FAM163A: variants seen among roughly 807,000 people sequenced by gnomAD.
FAM163A encodes protein FAM163A.
Under a neutral mutation model 12.0 loss-of-function variants are expected in FAM163A, and 7 were observed. That is an observed-to-expected ratio of 0.58 (90% CI 0.33 to 1.10). The LOEUF is 1.10. Ranked by LOEUF, FAM163A falls within the 50% of genes least tolerant of loss-of-function variation. FAM163A has a pLI of 0.03. For synonymous variants in FAM163A, 101 were observed against 91.0 expected (o/e 1.11, Z -0.62); for missense variants, 202 against 218.6 (o/e 0.92, Z 0.48).
intron 1 of FAM163A, among the ~76,000 whole-genome samples, chr1:179,781,562 CT>C (rs1219307045): frequency 6.6e-6 from 1 of 152,058 alleles, no homozygotes; most frequent in Non-Finnish European, 1.5e-5. Flanking sequence ...TGTACCTTTA[CT>C]TGGAGTAAAT....
At chr1:179,778,700 T>C (rs1689315765) in intron 1 of FAM163A, among the ~76,000 whole-genome samples, 2 of 151,974 alleles carry the variant, frequency 1.3e-5, no homozygotes, top group South Asian at 4.1e-4. Context: ...CGGATCAGTA[T>C]AGCTAGACAC....
intron 2 of FAM163A, among the ~76,000 whole-genome samples, chr1:179,808,892 C>T (rs183753716): frequency 5.3e-5 from 8 of 152,214 alleles, no homozygotes; most frequent in African/African-American, 1.9e-4. Context: ...AATGAGCCCT[C>T]CTGAAATCAT....
At chr1:179,793,278 A>G (rs2148263713) in intron 1 of FAM163A, among the ~76,000 whole-genome samples, 1 of 152,110 alleles carries the variant, frequency 6.6e-6, no homozygotes, top group South Asian at 2.1e-4. Context: ...CCATACTCAT[A>G]TGTCTACATG....
intron 1 of FAM163A, among the ~76,000 whole-genome samples, chr1:179,796,092 C>T (rs563784156): frequency 5.9e-5 from 9 of 151,538 alleles, no homozygotes; most frequent in Admixed American, 1.3e-4. Context: ...TGATATCTGA[C>T]GAAAGCTATG....
At chr1:179,764,989 G>A (rs1012227470) in intron 1 of FAM163A, among the ~76,000 whole-genome samples, 1 of 152,220 alleles carries the variant, frequency 6.6e-6, no homozygotes, top group African/African-American at 2.4e-5. Context: ...GCATCTGCCT[G>A]TTGATGAATC....
chr1:179,738,304 C>T (rs116334482), upstream of FAM163A, among the ~76,000 whole-genome samples: 1,170 of 152,186 alleles, frequency 7.7e-3, 8 homozygotes, highest in African/African-American at 0.027. Flanking sequence ...TGCTAATTAC[C>T]CTGATTTGAT....
At chr1:179,741,026 T>C (rs1445385627), upstream of FAM163A, among the ~76,000 whole-genome samples, 1 of 152,236 alleles carries the variant, frequency 6.6e-6, no homozygotes, top group African/African-American at 2.4e-5. Flanking sequence ...GAGTAGAAGA[T>C]ACTTGCAGTC....
chr1:179,771,061 G>A (rs1195565600), intron 1 of FAM163A, among the ~76,000 whole-genome samples: 67 of 152,118 alleles, frequency 4.4e-4, no homozygotes, highest in Non-Finnish European at 4.4e-5. Flanking sequence ...CTGCTGACAG[G>A]GCCTGCTTTT....
chr1:179,760,119 T>C (rs2148039603), intron 1 of FAM163A, among the ~76,000 whole-genome samples: 1 of 152,260 alleles, frequency 6.6e-6, no homozygotes, highest in Admixed American at 6.5e-5. Context: ...GTTATGGCGG[T>C]CCAGGCGAGA....
intron 1 of FAM163A, among the ~76,000 whole-genome samples, chr1:179,764,696 G>A (rs1291519995): frequency 2.6e-5 from 4 of 152,094 alleles, no homozygotes; most frequent in South Asian, 4.1e-4. Flanking sequence ...TTGGGGGAGA[G>A]CATTTCTGGA....
At chr1:179,759,639 G>A (rs1686518932) in intron 1 of FAM163A, among the ~76,000 whole-genome samples, 1 of 152,064 alleles carries the variant, frequency 6.6e-6, no homozygotes, top group South Asian at 2.1e-4. Flanking sequence ...GAGGTGCAAG[G>A]TGGGACTGGG....
intron 1 of FAM163A, among the ~76,000 whole-genome samples, chr1:179,771,772 C>T (rs893323854): frequency 3.9e-5 from 6 of 152,012 alleles, no homozygotes; most frequent in Non-Finnish European, 7.4e-5. Flanking sequence ...CAAATCCCCC[C>T]ATGCCCATCT....
chr1:179,788,797 A>G (rs1355493032), intron 1 of FAM163A, among the ~76,000 whole-genome samples: 4 of 152,232 alleles, frequency 2.6e-5, no homozygotes, highest in Non-Finnish European at 5.9e-5. Flanking sequence ...AGAAGTCTGC[A>G]AACAAGGCAC....
At chr1:179,737,786 G>A in the FAM163A span, among the ~76,000 whole-genome samples, 2 of 151,336 alleles carry the variant, frequency 1.3e-5, no homozygotes, top group Non-Finnish European at 2.9e-5. Flanking sequence ...AGAGAGTGGA[G>A]ATCGCACCAC....
intron 1 of FAM163A, among the ~76,000 whole-genome samples, chr1:179,777,523 C>T (rs928082715): frequency 2.0e-5 from 3 of 152,136 alleles, no homozygotes; most frequent in Non-Finnish European, 2.9e-5. Flanking sequence ...CTCTGGGCAG[C>T]GGTTCTGATG....
chr1:179,737,834 CAA>C, the FAM163A span, among the ~76,000 whole-genome samples: 1 of 119,696 alleles, frequency 8.4e-6, no homozygotes. Flanking sequence ...GACTCTGTCT[CAA>C]AAAAAAAAAA....
intron 1 of FAM163A, among the ~76,000 whole-genome samples, chr1:179,790,789 C>T (rs1379457664): frequency 6.6e-6 from 1 of 152,028 alleles, no homozygotes; most frequent in Non-Finnish European, 1.5e-5. Flanking sequence ...ACTGGACAGA[C>T]CTGGGAATAT....
the FAM163A span, among the ~76,000 whole-genome samples, chr1:179,729,472 T>C: frequency 6.6e-6 from 1 of 152,160 alleles, no homozygotes; most frequent in Admixed American, 6.5e-5. Flanking sequence ...CAGTGCCAAA[T>C]GTGGAAATGT....
At chr1:179,729,417 T>C in the FAM163A span, among the ~76,000 whole-genome samples, 1 of 152,218 alleles carries the variant, frequency 6.6e-6, no homozygotes, top group Non-Finnish European at 1.5e-5. Flanking sequence ...AAGCAAGGGA[T>C]ACTCAGGTGA....
Sources: allele counts gnomAD v4.1 joint callset (sites outside exome capture counted in the v4.1 genomes callset), GRCh38; gene constraint gnomAD v4.1.1; transcripts MANE v1.5; gene names NCBI Gene and HGNC (gene_info 2026-07-23, HGNC 2026-07-21).